The following CWF19L2 variants were observed in gnomAD, a reference collection of about 807,000 sequenced individuals.
The protein encoded by CWF19L2 is CWF19 like cell cycle control factor 2, also known as CWF19-like protein 2.
Under a neutral mutation model 111.7 loss-of-function variants are expected in CWF19L2, and 98 were observed. The observed-to-expected ratio is 0.88, with a 90% CI of 0.75 to 1.04. The LOEUF (loss-of-function observed/expected upper bound fraction) is 1.04, where lower values mean the gene tolerates loss of function less well. CWF19L2 is among the 50% of genes least tolerant of loss of function. The pLI is 0.00. For missense variants in CWF19L2, 1,101 were observed against 1,051.4 expected (o/e 1.05, Z -0.65); for synonymous variants, 351 against 342.9 (o/e 1.02, Z -0.26).
chr11:107,345,663 C>G (rs913897999), intron 14 of CWF19L2, among the ~76,000 whole-genome samples: 53 of 152,192 alleles, frequency 3.5e-4, no homozygotes, highest in African/African-American at 1.2e-3. Context: ...CTCTCTTTCC[C>G]TCTCTCTATA....
chr11:107,429,274 T>C lies in CWF19L2; in HGVS notation c.958A>G (p.Thr320Ala). The change falls in exon 8 of 18, where the codon ACA (threonine) becomes GCA (alanine). Residue 320 changes from threonine to alanine, a missense_variant. Coordinates refer to ENST00000282251, the MANE Select transcript of CWF19L2 (RefSeq NM_152434.3). Reference sequence around the variant, plus strand: ...TTGCTATTTTTTGCAGTATCTGTTGTAGCATATCTATCCCTTGAACTGTTA... The same window carrying C: ...TTGCTATTTTTTGCAGTATCTGTTGCAGCATATCTATCCCTTGAACTGTTA... ...YGNSSRDRYA[T>A]TDTAKNSNNE... 6.2e-7 allele frequency: 1 copy of C among 1,613,298 alleles called. No individual in the cohort carries two copies. Among genetic ancestry groups the C allele is most frequent in the Non-Finnish European group, 8.5e-7 (1 of 1,179,648 alleles).
chr11:107,353,694 T>C lies in CWF19L2; in HGVS notation c.1915A>G (p.Met639Val), dbSNP rs1860191930. The change falls in exon 13 of 18, where the codon ATG (methionine) becomes GTG (valine). Residue 639 changes from methionine (M) to valine (V), a missense_variant. Coordinates refer to ENST00000282251, the MANE Select transcript of CWF19L2 (RefSeq NM_152434.3). ...TDGDYYTLDD[M>V]FVSKAAERER... Reference sequence around the variant, plus strand: ...CTCTCAGCTGCTTTGGAGACAAACATGTCATCCAGGGTGTAATAGTCTCCA... The same window carrying C: ...CTCTCAGCTGCTTTGGAGACAAACACGTCATCCAGGGTGTAATAGTCTCCA... 6.2e-7 allele frequency: 1 copy of C among 1,613,664 alleles called. No individual in the cohort carries two copies. Among genetic ancestry groups the C allele is most frequent in the African/African-American group, 1.3e-5 (1 of 74,920 alleles).
At chr11:107,337,272 A>G (rs1004615349) in intron 14 of CWF19L2, among the ~76,000 whole-genome samples, 1 of 152,186 alleles carries the variant, frequency 6.6e-6, no homozygotes, top group African/African-American at 2.4e-5. Flanking sequence ...CAAATACACT[A>G]AAGTTGAAAA....
intron 12 of CWF19L2, among the ~76,000 whole-genome samples, chr11:107,354,357 T>C (rs769302336): frequency 6.6e-6 from 1 of 152,190 alleles, no homozygotes; most frequent in Admixed American, 6.5e-5. Context: ...AAAATGACCA[T>C]GGTAAAGTTC....
chr11:107,445,468 G>C (rs540401662), intron 3 of CWF19L2, among the ~76,000 whole-genome samples: 1 of 152,212 alleles, frequency 6.6e-6, no homozygotes, highest in South Asian at 2.1e-4. Context: ...GCCAGATGTG[G>C]TGGCGCATGC....
chr11:107,358,576 T>C (rs952114493), intron 12 of CWF19L2, among the ~76,000 whole-genome samples: 24 of 152,300 alleles, frequency 1.6e-4, no homozygotes, highest in South Asian at 2.1e-4. Flanking sequence ...AACATTATGC[T>C]AAGTGAAAAA....
At chr11:107,336,906 A>G (rs1287747026) in intron 14 of CWF19L2, among the ~76,000 whole-genome samples, 193 bp from the exon 15 acceptor site, 3 of 152,224 alleles carry the variant, frequency 2.0e-5, no homozygotes, top group Non-Finnish European at 4.4e-5. Flanking sequence ...TCTACTATAT[A>G]ATTTCATATA....
chr11:107,415,868 C>T (rs1861217470), intron 10 of CWF19L2, among the ~76,000 whole-genome samples: 1 of 151,976 alleles, frequency 6.6e-6, no homozygotes, highest in Non-Finnish European at 1.5e-5. Context: ...GAGGTTGAGG[C>T]GGGTGGATCA....
intron 12 of CWF19L2, among the ~76,000 whole-genome samples, chr11:107,372,299 A>G (rs1860521663): frequency 1.5e-5 from 2 of 135,904 alleles, no homozygotes; most frequent in African/African-American, 5.9e-5. Flanking sequence ...CTTCCCTGAA[A>G]GAGTTATGAT....
chr11:107,380,232 T>C (rs1018766158), intron 12 of CWF19L2, among the ~76,000 whole-genome samples: 1 of 152,100 alleles, frequency 6.6e-6, no homozygotes, highest in African/African-American at 2.4e-5. Flanking sequence ...AGTCTAATTC[T>C]TACAAAACCA....
chr11:107,442,239 G>C (rs1471956344), intron 4 of CWF19L2, among the ~76,000 whole-genome samples: 2 of 152,106 alleles, frequency 1.3e-5, no homozygotes, highest in Non-Finnish European at 2.9e-5. Context: ...AAGGGGAAGG[G>C]GGTTCTAAAC....
chr11:107,360,922 T>C (rs1023016919), intron 12 of CWF19L2, among the ~76,000 whole-genome samples: 1 of 152,218 alleles, frequency 6.6e-6, no homozygotes, highest in Non-Finnish European at 1.5e-5. Flanking sequence ...TTTCTCGCAC[T>C]GTGCAGGCTA....
At chr11:107,344,595 A>G (rs80058594) in intron 14 of CWF19L2, among the ~76,000 whole-genome samples, 1,967 of 152,262 alleles carry the variant, frequency 0.013, 24 homozygotes, top group South Asian at 0.038. Context: ...TGTCATTCAA[A>G]TTGTACTTTC....
intron 8 of CWF19L2, among the ~76,000 whole-genome samples, chr11:107,420,883 G>C (rs1283398951): frequency 6.6e-6 from 1 of 151,996 alleles, no homozygotes; most frequent in East Asian, 1.9e-4. Flanking sequence ...GATAAAGGGG[G>C]ACTACTGTAA....
At chr11:107,418,404 A>G in intron 8 of CWF19L2, 117 bp from the exon 9 acceptor site, 1 of 698,174 alleles carries the variant, frequency 1.4e-6, no homozygotes, top group South Asian at 1.5e-5. Context: ...CCAATAGCAG[A>G]TCATGATTGT....
intron 11 of CWF19L2, among the ~76,000 whole-genome samples, chr11:107,391,972 C>T (rs561961186): frequency 6.6e-6 from 1 of 152,162 alleles, no homozygotes; most frequent in African/African-American, 2.4e-5. Flanking sequence ...TGCCTTCTGA[C>T]AATGCATTTA....
In CWF19L2 at chr11:107,416,299, C is replaced by A; in HGVS notation, c.1528-1G>T. 7.3e-7 allele frequency: 1 copy of A among 1,376,634 alleles called. No homozygotes were observed. The highest frequency in any genetic ancestry group is 9.8e-7 in the Non-Finnish European group (1 of 1,023,186). 85.3% of individuals were successfully genotyped at this position (1,376,634 alleles called of 1,614,324 possible). On this transcript the variant is annotated splice_acceptor_variant, in intron 9 of 17. Coordinates refer to ENST00000282251, the MANE Select transcript of CWF19L2 (RefSeq NM_152434.3). LOFTEE classifies it high-confidence loss of function. ...GAACTTTAAGTTGTTCAGCTAATTC[C>A]TTCAAAAAGAAAAACAAGTAAAATA...
chr11:107,437,681 C>T (rs1011824678), intron 6 of CWF19L2, among the ~76,000 whole-genome samples: 3 of 152,166 alleles, frequency 2.0e-5, no homozygotes, highest in African/African-American at 7.2e-5. Flanking sequence ...CTCCTAGTAT[C>T]TTTGATTCTG....
intron 10 of CWF19L2, among the ~76,000 whole-genome samples, chr11:107,395,785 G>A (rs1860913106): frequency 1.3e-5 from 2 of 152,076 alleles, no homozygotes; most frequent in South Asian, 4.1e-4. Context: ...ATAATTTTTG[G>A]CACATGTATG....
Sources: gnomAD v4.1 joint callset for allele counts (sites outside exome capture counted in the v4.1 genomes callset) on GRCh38, gnomAD v4.1.1 for gene constraint, MANE v1.5 for transcripts, NCBI Gene and HGNC (gene_info 2026-07-23, HGNC 2026-07-21) for gene names.